Variants in RAB40B observed in about 807,000 individuals in gnomAD.
The protein encoded by RAB40B is ras-related protein Rab-40B.
In RAB40B, 21 loss-of-function variants were observed where a neutral mutation model predicts 24.0. The observed-to-expected ratio is 0.88, with a 90% CI of 0.62 to 1.26. The LOEUF (loss-of-function observed/expected upper bound fraction) is 1.26. Among genes scored for constraint, RAB40B ranks in the 50% most tolerant of loss-of-function variants. RAB40B has a pLI of 0.00. For synonymous variants in RAB40B, 167 were observed against 169.8 expected (o/e 0.98, Z 0.13); for missense variants, 348 against 390.5 (o/e 0.89, Z 0.92).
At chr17:82,684,749 C>T (rs575417546) in intron 1 of RAB40B, among the ~76,000 whole-genome samples, 6 of 152,248 alleles carry the variant, frequency 3.9e-5, no homozygotes, top group South Asian at 2.1e-4. Flanking sequence ...AAAGAGGCTG[C>T]GGAAACTTCT....
At chr17:82,671,509 C>G (rs753915099) in intron 1 of RAB40B, among the ~76,000 whole-genome samples, 24 of 104,688 alleles carry the variant, frequency 2.3e-4, no homozygotes, top group South Asian at 8.0e-4. Context: ...CACTGACACA[C>G]CCCACCCCTG....
At chr17:82,662,034 G>GA in intron 2 of RAB40B, 9 of 985,478 alleles carry the variant, frequency 9.1e-6, no homozygotes, top group Non-Finnish European at 1.1e-5. Flanking sequence ...ACATCAATGG[G>GA]AGATTCCCCA....
At chr17:82,665,031 C>T (rs987385551) in intron 1 of RAB40B, 1 of 167,408 alleles carries the variant, frequency 6.0e-6, no homozygotes, top group African/African-American at 2.4e-5. Context: ...CAGTATCACA[C>T]TAGGAAAGTA....
chr17:82,658,542 T>C lies in RAB40B; in HGVS notation c.514A>G (p.Arg172Gly). ...NITESFTELA[R>G]IVLLRHGMDR... ...ATCCCATGCCGCAGCAGCACGATCC[T>C]GGCCAGCTCCGTGAACGACTCTGTG... is the stretch of plus-strand genomic sequence containing the variant. Residue 172 changes from arginine (R) to glycine (G), a missense_variant, in exon 5 of 6, where the codon AGG (arginine) becomes GGG (glycine). Around this residue, in one of 3 missense-constraint regions of RAB40B, gnomAD observed 126 missense variants for 181.0 expected, o/e 0.70. Coordinates refer to ENST00000571995, the MANE Select transcript of RAB40B (RefSeq NM_006822.3). 1 of 1,613,134 alleles carries C rather than the reference T, an allele frequency of 6.2e-7. No individual in the cohort carries two copies. Among genetic ancestry groups the C allele is most frequent in the South Asian group, 1.1e-5 (1 of 91,072 alleles).
At chr17:82,662,391 G>C (rs7209718) in intron 2 of RAB40B, 1 of 985,188 alleles carries the variant, frequency 1.0e-6, no homozygotes, top group Non-Finnish European at 1.2e-6. Context: ...GGGCCAGCAC[G>C]TGCTGTCAGA....
intron 1 of RAB40B, among the ~76,000 whole-genome samples, chr17:82,685,212 G>A (rs2143537923): frequency 7.1e-6 from 1 of 140,648 alleles, no homozygotes; most frequent in East Asian, 2.2e-4. Flanking sequence ...GGAGAGGAAA[G>A]GAATGGGGAG....
chr17:82,658,643 G>C lies in RAB40B; in HGVS notation c.413C>G (p.Thr138Arg), dbSNP rs755297557. The change falls in exon 5 of 6, where the codon ACG becomes AGG. Residue 138 changes from threonine (T) to arginine (R), a missense_variant. By Grantham distance (71) the Thr-to-Arg change is moderately conservative (BLOSUM62 -1). This residue lies in a region of RAB40B where 126 missense variants were observed against 181.0 expected (regional missense o/e 0.70). Transcript: ENST00000571995. ...LHLAFKRQVP[T>R]EQAQAYAERL... The stretch of plus-strand genomic sequence containing the variant: ...CTCGGCGTAGGCCTGGGCCTGCTCC[G>C]TGGGCACCTGCCGCTTGAACGCCAG... 1.9e-6 allele frequency: 3 copies of C among 1,613,168 alleles called. No homozygotes were observed. Among genetic ancestry groups the C allele is most frequent in the Non-Finnish European group, 2.5e-6 (3 of 1,179,960 alleles).
At chr17:82,668,496 C>A (rs933354747) in intron 1 of RAB40B, among the ~76,000 whole-genome samples, 3 of 152,254 alleles carry the variant, frequency 2.0e-5, no homozygotes, top group African/African-American at 7.2e-5. Flanking sequence ...CACTGAGCCA[C>A]CCTCAGCCCT....
chr17:82,658,713 G>A lies in RAB40B; in HGVS notation c.343C>T (p.His115Tyr), dbSNP rs1450316905. The A allele has an allele frequency of 1.2e-6, 2 of 1,606,994 alleles. No homozygotes were observed. Among genetic ancestry groups the A allele is most frequent in the South Asian group, 2.2e-5 (2 of 90,894 alleles). Reference sequence around the variant, plus strand: ...AGGATCTTGGGGACTCCGGGGGCATGCTAGCGGGCAGGAGAAAGGCGAGGA... The same window carrying A: ...AGGATCTTGGGGACTCCGGGGGCATACTAGCGGGCAGGAGAAAGGCGAGGA... Reference protein sequence around the residue: ...IDRWIKEIDEHAPGVPKILVG... With the variant: ...IDRWIKEIDEYAPGVPKILVG... The change falls in exon 5 of 6, where the codon CAT becomes TAT. Residue 115 changes from histidine to tyrosine, a missense_variant and splice_region_variant. His to Tyr is a moderately conservative substitution (Grantham distance 83). Around this residue, in one of 3 missense-constraint regions of RAB40B, gnomAD observed 126 missense variants for 181.0 expected, o/e 0.70. Coordinates refer to ENST00000571995, the MANE Select transcript of RAB40B (RefSeq NM_006822.3).
rs2046209364 is a variant in RAB40B at position 82,663,921 on chromosome 17, C to G, written c.203+575G>C. Among the ~76,000 whole-genome samples, 1 of 152,216 alleles carries G rather than the reference C, an allele frequency of 6.6e-6. No homozygotes were observed. The highest frequency in any genetic ancestry group is 1.5e-5 in the Non-Finnish European group (1 of 68,030). On this transcript the variant is annotated intron_variant, in intron 2 of 5. Transcript: ENST00000571995. The surrounding 1 kb of genome is among the most constrained non-coding windows in gnomAD (Gnocchi z 6.2). ...GGGGCCCAGACAACCGGACCACCAC[C>G]TCCTTCAGAGAAGCCCTGGTGCAGC... is the stretch of plus-strand genomic sequence containing the variant.
chr17:82,690,977 C>T (rs8071828), intron 1 of RAB40B, among the ~76,000 whole-genome samples: 2,970 of 152,312 alleles, frequency 0.019, 89 homozygotes, highest in African/African-American at 0.068. Context: ...GTGTCACTTT[C>T]CATAACGGAG....
At position 82,655,163 on chromosome 17, in the gene RAB40B, T is replaced by TG. The variant is rs1242797744; in HGVS notation, c.*2699dup. ...GCTGCCGTAACAATCGCCACAAACC[T>TG]GGTGACTTAAATAACAAATATTTAT... On this transcript the variant is annotated 3_prime_UTR_variant, in exon 6 of 6. Transcript: ENST00000571995. 1.3e-5 allele frequency: 2 copies of TG among 152,134 alleles called. No homozygotes were observed. The highest frequency in any genetic ancestry group is 4.8e-5 in the African/African-American group (2 of 41,428). The allele number at this position is 152,134 out of a possible 1,614,324, so 9.4% of individuals were successfully genotyped here. A position where few individuals can be genotyped will look rare whatever the true frequency, so the allele number is the denominator to read the frequency against.
chr17:82,689,584 T>C lies in RAB40B; in HGVS notation c.142+8871A>G, dbSNP rs117130969. 6.8e-4 allele frequency among the ~76,000 whole-genome samples: 104 copies of C among 152,318 alleles called. No individual in the cohort carries two copies. In the East Asian group the frequency reaches 0.018, roughly 27 times the overall value. ...GAGGGCTTCTAATGGCAAAACTTGA[T>C]ACAATGCAATGGTGTTATTTTCAAA... On this transcript the variant is annotated intron_variant, in intron 1 of 5. Coordinates refer to ENST00000571995, the MANE Select transcript of RAB40B (RefSeq NM_006822.3).
At chr17:82,695,544 T>TA (rs79533384) in intron 1 of RAB40B, among the ~76,000 whole-genome samples, 11,377 of 133,572 alleles carry the variant, frequency 0.085, 631 homozygotes, top group East Asian at 0.18. Flanking sequence ...AACATGTCAT[T>TA]AAAAAAAAAA....
At position 82,692,544 on chromosome 17, in the gene RAB40B, C is replaced by T. The variant is rs141093890; in HGVS notation, c.142+5911G>A. ...GCGGGCCAACGGTGCAGACCCAGAC[C>T]CACAGGCGGGCTCTCAGCTGGGACA... On this transcript the variant is annotated intron_variant, in intron 1 of 5. Coordinates refer to ENST00000571995, the MANE Select transcript of RAB40B (RefSeq NM_006822.3). The surrounding 1 kb of genome is among the most constrained non-coding windows in gnomAD (Gnocchi z 4.0). Among the ~76,000 whole-genome samples the T allele has an allele frequency of 4.7e-3, 716 of 152,006 alleles. 4 individuals carry two copies. The highest frequency in any genetic ancestry group is 7.5e-3 in the Non-Finnish European group (507 of 67,936).
At chr17:82,668,035 C>T (rs556889149) in intron 1 of RAB40B, among the ~76,000 whole-genome samples, 2 of 152,278 alleles carry the variant, frequency 1.3e-5, no homozygotes, top group African/African-American at 4.8e-5. Flanking sequence ...GAATGAGGTA[C>T]CCAGACAAGT....
intron 1 of RAB40B, among the ~76,000 whole-genome samples, chr17:82,686,101 C>A (rs1378666936): frequency 2.1e-5 from 2 of 95,282 alleles, no homozygotes; most frequent in East Asian, 6.6e-4. Context: ...CGCACCCAGC[C>A]TTCTTTTTTT....
chr17:82,679,619 C>A (rs2046429643), intron 1 of RAB40B, among the ~76,000 whole-genome samples: 1 of 152,202 alleles, frequency 6.6e-6, no homozygotes, highest in Non-Finnish European at 1.5e-5. Context: ...TCTTAGGACA[C>A]TAAACTCCCA....
intron 1 of RAB40B, among the ~76,000 whole-genome samples, chr17:82,666,978 C>T (rs539533747): frequency 1.8e-4 from 28 of 152,278 alleles, no homozygotes; most frequent in East Asian, 1.7e-3. Context: ...TAAAGGGAAG[C>T]GCGCCGCTGA....
Sources: gnomAD v4.1 joint callset for allele counts (sites outside exome capture counted in the v4.1 genomes callset) on GRCh38, gnomAD v4.1.1 for gene constraint, gnomAD v4.1.1 regional missense constraint, Gnocchi (gnomAD v3.1) non-coding constraint, MANE v1.5 for transcripts, NCBI Gene and HGNC (gene_info 2026-07-23, HGNC 2026-07-21) for gene names.